Variants in CDK14 observed in about 807,000 individuals in gnomAD.
CDK14 encodes cyclin-dependent kinase 14.
CDK14 carries 34 observed loss-of-function variants against 60.7 expected under a neutral mutation model. That is an observed-to-expected ratio of 0.56 (90% CI 0.43 to 0.75). The LOEUF is 0.75. Ranked by LOEUF, CDK14 falls within the 30% of genes least tolerant of loss-of-function variation. The pLI is 0.00. For missense variants in CDK14, 482 were observed against 564.1 expected, an observed-to-expected ratio of 0.85 and a Z score of 1.47; for synonymous variants, 197 against 203.7, an observed-to-expected ratio of 0.97 and a Z score of 0.28.
At chr7:90,992,371 A>G (rs986876271) in intron 10 of CDK14, among the ~76,000 whole-genome samples, 2 of 152,236 alleles carry the variant, frequency 1.3e-5, no homozygotes, top group Non-Finnish European at 2.9e-5. Context: ...TAATTAAATC[A>G]TTCATTTTCT....
At chr7:91,055,375 A>G (rs758512941) in intron 11 of CDK14, among the ~76,000 whole-genome samples, 10 of 152,214 alleles carry the variant, frequency 6.6e-5, no homozygotes, top group African/African-American at 9.7e-5. Context: ...AGGAGGGACA[A>G]TCTGTACTTT....
intron 12 of CDK14, among the ~76,000 whole-genome samples, chr7:91,086,049 T>C (rs1255270429): frequency 2.0e-5 from 3 of 152,204 alleles, no homozygotes; most frequent in Non-Finnish European, 4.4e-5. Context: ...GTTGCTGCCA[T>C]ATTGGGTGAC....
chr7:90,927,083 G>C (rs1793440741), intron 8 of CDK14, among the ~76,000 whole-genome samples: 1 of 152,154 alleles, frequency 6.6e-6, no homozygotes, highest in Admixed American at 6.6e-5. Flanking sequence ...CAACCCAGAA[G>C]CTCTCTGAAC....
At chr7:90,733,250 T>A (rs991207353) in intron 3 of CDK14, among the ~76,000 whole-genome samples, 2 of 152,222 alleles carry the variant, frequency 1.3e-5, no homozygotes, top group African/African-American at 2.4e-5. Flanking sequence ...AGTGTTTTAC[T>A]TCCAGTTATG....
chr7:91,022,175 C>T (rs1796449000), intron 10 of CDK14, among the ~76,000 whole-genome samples: 1 of 152,182 alleles, frequency 6.6e-6, no homozygotes, highest in South Asian at 2.1e-4. Context: ...CTTCCATTCC[C>T]TGTCTCTTTG....
At chr7:90,980,619 A>G (rs1322640189) in intron 9 of CDK14, among the ~76,000 whole-genome samples, 1 of 152,152 alleles carries the variant, frequency 6.6e-6, no homozygotes, top group African/African-American at 2.4e-5. Context: ...GATATGTTTT[A>G]TACACATACT....
intron 6 of CDK14, among the ~76,000 whole-genome samples, chr7:90,894,992 T>G (rs763594823): frequency 1.2e-4 from 18 of 152,156 alleles, no homozygotes; most frequent in Admixed American, 4.6e-4. Context: ...AGAGATTGTT[T>G]TAGTTCCCTC....
chr7:90,625,871 C>T (rs1799865227), intron 2 of CDK14, among the ~76,000 whole-genome samples: 1 of 152,228 alleles, frequency 6.6e-6, no homozygotes, highest in Admixed American at 6.5e-5. Flanking sequence ...CAAACTGAAT[C>T]TGACCCAGCA....
At chr7:90,793,461 G>A (rs1433025077) in intron 5 of CDK14, among the ~76,000 whole-genome samples, 2 of 152,140 alleles carry the variant, frequency 1.3e-5, no homozygotes, top group African/African-American at 2.4e-5. Context: ...ACTTGAATTA[G>A]GCATAAGATA....
At chr7:90,777,324 T>G (rs1459958257) in intron 4 of CDK14, among the ~76,000 whole-genome samples, 2 of 152,180 alleles carry the variant, frequency 1.3e-5, no homozygotes, top group Non-Finnish European at 1.5e-5. Context: ...CCACTGAGCT[T>G]TCAACTATGA....
intron 14 of CDK14, among the ~76,000 whole-genome samples, chr7:91,163,883 A>G (rs1474635981): frequency 6.6e-6 from 1 of 152,220 alleles, no homozygotes; most frequent in African/African-American, 2.4e-5. Context: ...AATTGTTATT[A>G]TAACCATTTA....
At chr7:91,017,025 C>T (rs1414886146) in intron 10 of CDK14, among the ~76,000 whole-genome samples, 2 of 152,152 alleles carry the variant, frequency 1.3e-5, no homozygotes, top group East Asian at 3.8e-4. Flanking sequence ...TCTTTTTTGA[C>T]TGTTCTTGAG....
chr7:90,872,832 C>G (rs1418306121), intron 6 of CDK14, among the ~76,000 whole-genome samples: 2 of 152,160 alleles, frequency 1.3e-5, no homozygotes, highest in African/African-American at 4.8e-5. Flanking sequence ...CAAAAGCACA[C>G]AGTTCTGAGT....
chr7:91,024,163 G>A (rs1379398381), intron 10 of CDK14, among the ~76,000 whole-genome samples: 1 of 151,880 alleles, frequency 6.6e-6, no homozygotes. Flanking sequence ...AATGATGTCA[G>A]CTGATATTTA....
intron 3 of CDK14, among the ~76,000 whole-genome samples, chr7:90,745,750 G>C (rs1014217301): frequency 4.6e-5 from 7 of 152,138 alleles, no homozygotes; most frequent in Admixed American, 3.9e-4. Context: ...GTGTTAACTT[G>C]CCTTCCAAGG....
At chr7:90,970,148 T>C (rs1794879043) in intron 9 of CDK14, among the ~76,000 whole-genome samples, 1 of 152,074 alleles carries the variant, frequency 6.6e-6, no homozygotes, top group Admixed American at 6.6e-5. Flanking sequence ...GTATTTTTAG[T>C]AGAGACAGGG....
chr7:90,650,717 C>G lies in CDK14; in HGVS notation c.123+46468C>G, dbSNP rs529312158. On this transcript the variant is annotated intron_variant, in intron 2 of 14. Transcript: ENST00000380050. ...CAGCACCATTTATTAAATAGGGAAT[C>G]CTTTCCCCATTGCTTATTTTTGTCA... Among the ~76,000 whole-genome samples the G allele has an allele frequency of 5.9e-5, 9 of 152,284 alleles. No homozygotes were observed. In the South Asian group the frequency reaches 1.7e-3, roughly 28 times the overall value.
In CDK14 at chr7:90,904,877, C is replaced by G. The variant is rs1043070342; in HGVS notation, c.702+5524C>G. On this transcript the variant is annotated intron_variant, in intron 7 of 14. Coordinates refer to ENST00000380050, the MANE Select transcript of CDK14 (RefSeq NM_001287135.2). ...TGGCGTCAGATTTTCAACAGTAACA[C>G]TGAAAGGGGAATGGCAGTGAGACAA... is the stretch of plus-strand genomic sequence containing the variant. Among the ~76,000 whole-genome samples, 47 of 152,222 alleles carry G rather than the reference C, an allele frequency of 3.1e-4. 1 individual carries two copies. The highest frequency in any genetic ancestry group is 3.4e-3 in the Middle Eastern group (1 of 294).
intron 11 of CDK14, among the ~76,000 whole-genome samples, chr7:91,050,558 A>G (rs1185016321): frequency 1.3e-5 from 2 of 152,230 alleles, no homozygotes; most frequent in Non-Finnish European, 2.9e-5. Flanking sequence ...TAAGCTCAGC[A>G]TATTCCCATA....
Sources: allele counts gnomAD v4.1 joint callset (sites outside exome capture counted in the v4.1 genomes callset), GRCh38; gene constraint gnomAD v4.1.1; transcripts MANE v1.5; gene names NCBI Gene and HGNC (gene_info 2026-07-23, HGNC 2026-07-21).